The following TSNAXIP1 variants were observed in gnomAD, a reference collection of about 807,000 sequenced individuals.
TSNAXIP1 encodes translin-associated factor X-interacting protein 1.
In TSNAXIP1, 89 loss-of-function variants were observed where a neutral mutation model predicts 84.8. The ratio of observed to expected loss-of-function variants is 1.05; its 90% CI spans 0.88 to 1.25. The LOEUF (loss-of-function observed/expected upper bound fraction) is 1.25, where lower values mean the gene tolerates loss of function less well. Ranked by LOEUF, TSNAXIP1 falls within the 50% of genes most tolerant of loss-of-function variation. TSNAXIP1 has a pLI of 0.00. For synonymous variants in TSNAXIP1, 347 were observed against 335.2 expected, an observed-to-expected ratio of 1.04 and a Z score of -0.39; for missense variants, 874 against 887.6, an observed-to-expected ratio of 0.98 and a Z score of 0.20.
chr16:67,827,742 C>G lies in TSNAXIP1; in HGVS notation c.1899-11C>G. Reference sequence around the variant, plus strand: ...GGGTCAGGGCCTGTCACTCTCTTTCCTGTGGGGCAGCCATGAGGAAGTGAC... The same window carrying G: ...GGGTCAGGGCCTGTCACTCTCTTTCGTGTGGGGCAGCCATGAGGAAGTGAC... On this transcript the variant is annotated splice_polypyrimidine_tract_variant and intron_variant, in intron 15 of 15. Coordinates refer to ENST00000561639, the MANE Select transcript of TSNAXIP1 (RefSeq NM_001288990.3). The G allele has an allele frequency of 6.2e-7, 1 of 1,613,818 alleles. No homozygotes were observed. Among genetic ancestry groups the G allele is most frequent in the Non-Finnish European group, 8.5e-7 (1 of 1,180,008 alleles).
At chr16:67,812,468 C>A (rs570548756) in intron 1 of TSNAXIP1, among the ~76,000 whole-genome samples, 1 of 149,492 alleles carries the variant, frequency 6.7e-6, no homozygotes, top group South Asian at 2.1e-4. Flanking sequence ...GAGATCGAGA[C>A]CATCCTGGCC....
Position 67,826,047 on chromosome 16 carries a change from C to A in TSNAXIP1, c.1115C>A (p.Thr372Lys). Residue 372 changes from threonine (T) to lysine (K), a missense_variant, in exon 9 of 16, where the codon ACG (threonine) becomes AAG (lysine). By Grantham distance (78) the Thr-to-Lys change is moderately conservative. Coordinates refer to ENST00000561639, the MANE Select transcript of TSNAXIP1 (RefSeq NM_001288990.3). ...CTGCAGGAGATCCAGCGCACTTCCA[C>A]GCCGCGGCCTGACTGGACCAAGTGC... The part of the protein sequence containing the change: ...SELQEIQRTS[T>K]PRPDWTKCKD... 6.2e-7 allele frequency: 1 copy of A among 1,613,808 alleles called. No homozygotes were observed. The highest frequency in any genetic ancestry group is 8.5e-7 in the Non-Finnish European group (1 of 1,180,036).
intron 2 of TSNAXIP1, among the ~76,000 whole-genome samples, chr16:67,820,135 T>G (rs2056922312): frequency 6.6e-6 from 1 of 151,390 alleles, no homozygotes; most frequent in Non-Finnish European, 1.5e-5. Context: ...TTTTTGTATT[T>G]TTAGTAGAGA....
intron 4 of TSNAXIP1, among the ~76,000 whole-genome samples, chr16:67,821,991 AAAG>A (rs577535180): frequency 7.9e-4 from 116 of 147,384 alleles, no homozygotes; most frequent in South Asian, 6.3e-3. Context: ...TCAACAGAAA[AAAG>A]AAGGCCAGGC....
chr16:67,823,757 C>A, intron 5 of TSNAXIP1, 38 bp downstream of exon 5: 1 of 1,572,214 alleles, frequency 6.4e-7, no homozygotes, highest in Non-Finnish European at 8.7e-7. Context: ...GTGGCTCACG[C>A]CTGTAATCCC....
intron 2 of TSNAXIP1, among the ~76,000 whole-genome samples, chr16:67,820,219 G>C (rs1283077479): frequency 6.6e-6 from 1 of 151,960 alleles, no homozygotes; most frequent in Non-Finnish European, 1.5e-5. Context: ...GCCTCCGAAA[G>C]TGCTGGGAAT....
At position 67,826,158 on chromosome 16, in the gene TSNAXIP1, T is replaced by C. The variant is rs1392985947; in HGVS notation, c.1151T>C (p.Val384Ala). 1 of 1,613,102 alleles carries C rather than the reference T, an allele frequency of 6.2e-7. No individual in the cohort carries two copies. ...TCCCTCTCCCCACATGCAGATGTGGTGGCTGGGGGCCCAGAGCGCTGGCAG... is the reference window on the plus strand; with the variant it reads ...TCCCTCTCCCCACATGCAGATGTGGCGGCTGGGGGCCCAGAGCGCTGGCAG... ...RPDWTKCKDV[V>A]AGGPERWQML... is the part of the protein sequence containing the mutation. Residue 384 changes from valine to alanine, a missense_variant, in exon 10 of 16, where the codon GTG becomes GCG. Physicochemically the swap from Val to Ala is moderately conservative, Grantham distance 64 (BLOSUM62 0). Coordinates refer to ENST00000561639, the MANE Select transcript of TSNAXIP1 (RefSeq NM_001288990.3).
intron 6 of TSNAXIP1, 124 bp downstream of exon 6, chr16:67,824,903 C>T: frequency 8.5e-7 from 1 of 1,180,604 alleles, no homozygotes; most frequent in Non-Finnish European, 1.2e-6. Flanking sequence ...CACCTTCCCC[C>T]AGAGCCTTGC....
Position 67,820,892 on chromosome 16 carries a change from T to C in TSNAXIP1, c.201T>C (p.Ser67=). ...TGTCCCCATGGCCCACATACACCAG[T>C]GGCCAGACCATTTTGCAAAATCGAA... ...GHLSPWPTYT[S]GQTILQNRKP... is the part of the protein sequence containing the mutation. Residue 67 remains serine, a synonymous_variant, in exon 3 of 16, where the codon AGT becomes AGC. Transcript: ENST00000561639. The C allele has an allele frequency of 6.2e-7, 1 of 1,602,488 alleles. No homozygotes were observed. Among genetic ancestry groups the C allele is most frequent in the Non-Finnish European group, 8.5e-7 (1 of 1,174,330 alleles).
Position 67,825,774 on chromosome 16 carries a change from G to A in TSNAXIP1, c.922G>A (p.Asp308Asn). 1.9e-6 allele frequency: 3 copies of A among 1,614,200 alleles called. No homozygotes were observed. Among genetic ancestry groups the A allele is most frequent in the South Asian group, 2.2e-5 (2 of 91,092 alleles). ...ELNNMKANFGDVVPRRDFEMQ... is the reference protein window; with the variant it reads ...ELNNMKANFGNVVPRRDFEMQ... ...CAACAACATGAAGGCCAACTTTGGA[G>A]ATGTGGTCCCCAGGAGGGACTTTGA... The change falls in exon 8 of 16, where the codon GAT becomes AAT. Residue 308 changes from aspartate (D) to asparagine (N), a missense_variant. Physicochemically the swap from Asp to Asn is conservative, Grantham distance 23. Transcript: ENST00000561639.
intron 2 of TSNAXIP1, among the ~76,000 whole-genome samples, chr16:67,815,381 G>A (rs2056455082): frequency 6.6e-6 from 1 of 150,446 alleles, no homozygotes; most frequent in African/African-American, 2.5e-5. Flanking sequence ...CTGTCAGGGT[G>A]CAGTGGTGCA....
chr16:67,817,145 T>G lies in TSNAXIP1; in HGVS notation c.147+2744T>G, dbSNP rs1187979565. Among the ~76,000 whole-genome samples, 2 of 151,020 alleles carry G rather than the reference T, an allele frequency of 1.3e-5. 1 individual carries two copies. Among genetic ancestry groups the G allele is most frequent in the Non-Finnish European group, 3.0e-5 (2 of 67,738 alleles). Reference sequence around the variant, plus strand: ...CACACCTGGCTAATTTTTTGCGGTTTTTTTTTTGTTTTTTGTTTTTTTGAA... The same window carrying G: ...CACACCTGGCTAATTTTTTGCGGTTGTTTTTTTGTTTTTTGTTTTTTTGAA... On this transcript the variant is annotated intron_variant, in intron 2 of 15. Coordinates refer to ENST00000561639, the MANE Select transcript of TSNAXIP1 (RefSeq NM_001288990.3).
rs556761805 is a variant in TSNAXIP1 at position 67,817,881 on chromosome 16, G to A, written c.148-2958G>A. Among the ~76,000 whole-genome samples, 27 of 150,306 alleles carry A rather than the reference G, an allele frequency of 1.8e-4. No individual in the cohort carries two copies. The East Asian group carries it at 5.4e-3, about 30-fold the overall frequency. On this transcript the variant is annotated intron_variant, in intron 2 of 15. Coordinates refer to ENST00000561639, the MANE Select transcript of TSNAXIP1 (RefSeq NM_001288990.3). ...AGCCTGGGCAACAGAGTGAGGCTCC[G>A]TCTCAAAATAAATGAATAAATAAAA...
chr16:67,814,293 T>G lies in TSNAXIP1; in HGVS notation c.48-9T>G. 6.5e-7 allele frequency: 1 copy of G among 1,534,342 alleles called. No individual in the cohort carries two copies. Among genetic ancestry groups the G allele is most frequent in the South Asian group, 1.2e-5 (1 of 84,012 alleles). ...GTCACCCACCATCAGCTTTCCCTTCTCTGTGCAGATTACAGCCACGGCCTT... is the reference window on the plus strand; with the variant it reads ...GTCACCCACCATCAGCTTTCCCTTCGCTGTGCAGATTACAGCCACGGCCTT... On this transcript the variant is annotated splice_polypyrimidine_tract_variant and intron_variant, in intron 1 of 15. Transcript: ENST00000561639.
intron 4 of TSNAXIP1, among the ~76,000 whole-genome samples, chr16:67,822,650 C>T (rs578249526): frequency 1.3e-5 from 2 of 152,240 alleles, no homozygotes; most frequent in South Asian, 4.1e-4. Flanking sequence ...TCTGCTTAAA[C>T]AAGGATGATG....
chr16:67,819,816 T>TTTTTTTTTTTTA (rs1567755978), intron 2 of TSNAXIP1, among the ~76,000 whole-genome samples: 105 of 105,984 alleles, frequency 9.9e-4, no homozygotes, highest in African/African-American at 5.8e-3. Context: ...CCTGGCTAAA[T>TTTTTTTTTTTTA]TTTTTTTTTT....
At chr16:67,823,242 G>C (rs1317966926) in intron 4 of TSNAXIP1, among the ~76,000 whole-genome samples, 2 of 152,174 alleles carry the variant, frequency 1.3e-5, no homozygotes, top group South Asian at 4.1e-4. Flanking sequence ...ATACTGCTAA[G>C]CCCAGTAAAG....
Position 67,825,910 on chromosome 16 carries a change from C to T in TSNAXIP1, c.985-7C>T. ...TGGGGGGCCAGGGCCAATGTCCTTGCCCACAGCTGGACACCCTGAGAGCCA... is the reference window on the plus strand; with the variant it reads ...TGGGGGGCCAGGGCCAATGTCCTTGTCCACAGCTGGACACCCTGAGAGCCA... On this transcript the variant is annotated splice_polypyrimidine_tract_variant and splice_region_variant and intron_variant, in intron 8 of 15. Coordinates refer to ENST00000561639, the MANE Select transcript of TSNAXIP1 (RefSeq NM_001288990.3). 6.2e-7 allele frequency: 1 copy of T among 1,614,058 alleles called. No individual in the cohort carries two copies. The highest frequency in any genetic ancestry group is 8.5e-7 in the Non-Finnish European group (1 of 1,180,016).
intron 2 of TSNAXIP1, 64 bp from the exon 3 acceptor site, chr16:67,820,775 T>G: frequency 8.1e-7 from 1 of 1,230,940 alleles, no homozygotes. Context: ...GGAGGAGAGA[T>G]GGAGAGAAAC....
Sources: allele counts gnomAD v4.1 joint callset (sites outside exome capture counted in the v4.1 genomes callset), GRCh38; gene constraint gnomAD v4.1.1; transcripts MANE v1.5; gene names NCBI Gene and HGNC (gene_info 2026-07-23, HGNC 2026-07-21).